Variants in ANO3 observed in about 807,000 individuals in gnomAD.
ANO3 encodes the protein anoctamin-3.
In ANO3, 99 loss-of-function variants were observed where a neutral mutation model predicts 144.8. The observed-to-expected ratio is 0.68, with a 90% CI of 0.58 to 0.81. ANO3 has a LOEUF of 0.81. Ranked by LOEUF, ANO3 falls within the 30% of genes least tolerant of loss-of-function variation. The pLI, the probability that ANO3 is intolerant of heterozygous loss-of-function variation, is 0.00. For missense variants in ANO3, 905 were observed against 1,202.2 expected, an observed-to-expected ratio of 0.75 and a Z score of 3.66; for synonymous variants, 414 against 392.6, an observed-to-expected ratio of 1.05 and a Z score of -0.64.
rs558955151 is a variant in ANO3, at chr11:26,595,635, G to A, written c.1448-2730G>A. 5.3e-5 allele frequency among the ~76,000 whole-genome samples: 8 copies of A among 151,862 alleles called. No homozygotes were observed. The South Asian group carries it at 6.2e-4, about 12-fold the overall frequency. On this transcript the variant is annotated intron_variant, in intron 14 of 26. Coordinates refer to ENST00000256737, the MANE Select transcript of ANO3 (RefSeq NM_031418.4). ...CATTGTGGTTTTTTCTCAATCACCC[G>A]GGAGGAACCATCTGTCGTCCTGAAG...
chr11:26,634,119 T>C, intron 18 of ANO3, 85 bp from the exon 19 acceptor site: 1 of 685,178 alleles, frequency 1.5e-6, no homozygotes, highest in South Asian at 2.4e-5. Context: ...AAGACAAACT[T>C]GAACTTGGGG....
intron 1 of ANO3, among the ~76,000 whole-genome samples, chr11:26,262,665 G>A (rs112127214): frequency 2.6e-5 from 4 of 151,892 alleles, no homozygotes; most frequent in African/African-American, 9.6e-5. Context: ...CTGTGAGAAG[G>A]CATTAGGTCG....
chr11:26,480,017 T>C (rs926216798), intron 4 of ANO3, among the ~76,000 whole-genome samples: 1 of 151,810 alleles, frequency 6.6e-6, no homozygotes, highest in Non-Finnish European at 1.5e-5. Flanking sequence ...AGATATAGAG[T>C]TTGGACTAGA....
chr11:26,525,741 T>C (rs1849146414), intron 7 of ANO3, 62 bp downstream of exon 7: 1 of 1,278,042 alleles, frequency 7.8e-7, no homozygotes, highest in Non-Finnish European at 1.1e-6. Context: ...AATAAGAAGA[T>C]ATTTGATTCC....
intron 7 of ANO3, among the ~76,000 whole-genome samples, chr11:26,528,217 C>T (rs1211581793): frequency 1.3e-5 from 2 of 151,902 alleles, no homozygotes; most frequent in African/African-American, 2.4e-5. Context: ...TGTTCTGTGC[C>T]CCGTGGTGTC....
chr11:26,408,105 A>G (rs1857336057), intron 1 of ANO3, among the ~76,000 whole-genome samples: 2 of 152,070 alleles, frequency 1.3e-5, no homozygotes, highest in African/African-American at 4.8e-5. Context: ...AATGGCAACA[A>G]AAGCCAAAAT....
intron 14 of ANO3, among the ~76,000 whole-genome samples, chr11:26,563,973 T>G (rs940318866): frequency 1.3e-5 from 2 of 151,874 alleles, no homozygotes; most frequent in Non-Finnish European, 2.9e-5. Flanking sequence ...TTTTTTCTTC[T>G]CTTTTTTTGA....
intron 1 of ANO3, among the ~76,000 whole-genome samples, chr11:26,438,592 C>CAAAAAAAAAAAAAAAAAA (rs1227963923): frequency 1.0e-4 from 7 of 70,222 alleles, no homozygotes; most frequent in African/African-American, 1.8e-4. Context: ...ACTAAAAATA[C>CAAAAAAAAAAAAAAAAAA]AAAAAAAAAA....
At chr11:26,643,482 G>A (rs916667973) in intron 23 of ANO3, 148 bp downstream of exon 23, 191 of 997,178 alleles carry the variant, frequency 1.9e-4, no homozygotes, top group South Asian at 1.6e-3. Flanking sequence ...CTGGCCGGGC[G>A]TGGTGGCTCA....
intron 7 of ANO3, among the ~76,000 whole-genome samples, chr11:26,526,899 T>A (rs1366267574): frequency 6.6e-6 from 1 of 152,140 alleles, no homozygotes; most frequent in Non-Finnish European, 1.5e-5. Flanking sequence ...GCTAATAAAA[T>A]TAGTCATTGG....
intron 1 of ANO3, among the ~76,000 whole-genome samples, chr11:26,401,343 T>A (rs754578041): frequency 5.9e-5 from 9 of 152,034 alleles, no homozygotes; most frequent in Non-Finnish European, 1.3e-4. Flanking sequence ...TTCTCTGTCA[T>A]GACCTTACAT....
chr11:26,365,741 C>T (rs962018837), intron 1 of ANO3, among the ~76,000 whole-genome samples: 21 of 152,018 alleles, frequency 1.4e-4, no homozygotes, highest in African/African-American at 4.8e-4. Flanking sequence ...GGTCAGTAGG[C>T]CTTAACCTGG....
intron 23 of ANO3, among the ~76,000 whole-genome samples, chr11:26,646,347 A>G (rs543049647): frequency 4.6e-5 from 7 of 152,288 alleles, no homozygotes; most frequent in Admixed American, 4.6e-4. Context: ...ATAAATATGT[A>G]CATAGTTATT....
At chr11:26,416,794 G>T (rs912019386) in intron 1 of ANO3, among the ~76,000 whole-genome samples, 1 of 151,970 alleles carries the variant, frequency 6.6e-6, no homozygotes, top group African/African-American at 2.4e-5. Flanking sequence ...AGCAAATCTA[G>T]TGGCCTCCTA....
At chr11:26,495,074 C>CATTCATTTATTT (rs534938937) in intron 4 of ANO3, among the ~76,000 whole-genome samples, 5 of 143,456 alleles carry the variant, frequency 3.5e-5, no homozygotes. Flanking sequence ...TAAATATCTA[C>CATTCATTTATTT]ATTTATTTAT....
At chr11:26,306,254 G>A (rs1026857662), upstream of ANO3, among the ~76,000 whole-genome samples, 2 of 151,716 alleles carry the variant, frequency 1.3e-5, no homozygotes, top group Non-Finnish European at 2.9e-5. Context: ...GATTATAGGC[G>A]TGAGCCACCG....
intron 1 of ANO3, among the ~76,000 whole-genome samples, chr11:26,209,758 T>C (rs1050179571): frequency 2.0e-5 from 3 of 152,246 alleles, no homozygotes; most frequent in Non-Finnish European, 2.9e-5. Context: ...TGAGCTTTTT[T>C]TCGTGTTTGT....
chr11:26,626,265 G>A (rs1852581414), intron 18 of ANO3, among the ~76,000 whole-genome samples: 1 of 66,356 alleles, frequency 1.5e-5, no homozygotes, highest in Non-Finnish European at 4.6e-5. Flanking sequence ...TGTGTCCTGT[G>A]GGAAGCAGAC....
chr11:26,230,700 G>A (rs1242130281), intron 1 of ANO3, among the ~76,000 whole-genome samples: 1 of 147,018 alleles, frequency 6.8e-6, no homozygotes. Flanking sequence ...AGGAGGCTGA[G>A]GCAGGAAAAC....
Sources: allele counts gnomAD v4.1 joint callset (sites outside exome capture counted in the v4.1 genomes callset), GRCh38; gene constraint gnomAD v4.1.1; transcripts MANE v1.5; gene names NCBI Gene and HGNC (gene_info 2026-07-23, HGNC 2026-07-21).